The following PARP12 variants were observed in gnomAD, a reference collection of about 807,000 sequenced individuals.
PARP12 encodes protein mono-ADP-ribosyltransferase PARP12.
Under a neutral mutation model 72.4 loss-of-function variants are expected in PARP12, and 59 were observed. The ratio of observed to expected loss-of-function variants is 0.81; its 90% CI spans 0.66 to 1.01. PARP12 has a LOEUF of 1.01. Among genes scored for constraint, PARP12 ranks in the 50% least tolerant of loss-of-function variants. The probability of loss-of-function intolerance (pLI) is 0.00; values close to 1 mark genes in which losing one functional copy is unlikely to be tolerated. For missense variants in PARP12, 851 were observed against 914.0 expected, an observed-to-expected ratio of 0.93 and a Z score of 0.89; for synonymous variants, 403 against 371.4, an observed-to-expected ratio of 1.09 and a Z score of -0.98.
intron 4 of PARP12, among the ~76,000 whole-genome samples, chr7:140,049,761 A>G (rs2116626997): frequency 6.6e-6 from 1 of 152,334 alleles, no homozygotes; most frequent in African/African-American, 2.4e-5. Context: ...GAAGGTGCCC[A>G]GGACAGGAGG....
intron 9 of PARP12, among the ~76,000 whole-genome samples, chr7:140,028,062 C>T (rs1569526409): frequency 6.6e-6 from 1 of 152,238 alleles, no homozygotes; most frequent in Admixed American, 6.5e-5. Flanking sequence ...GCTCGGCAGC[C>T]GGCCAGCTGG....
At chr7:140,044,982 C>T (rs1041451977) in intron 5 of PARP12, among the ~76,000 whole-genome samples, 1 of 151,304 alleles carries the variant, frequency 6.6e-6, no homozygotes, top group African/African-American at 2.4e-5. Context: ...TTTCTAACCT[C>T]TAGGATTAAA....
rs528796399 is a variant in PARP12, at chr7:140,036,962, A to G, written c.1324+753T>C. On this transcript the variant is annotated intron_variant, in intron 7 of 11. Coordinates refer to ENST00000263549, the MANE Select transcript of PARP12 (RefSeq NM_022750.4). ...ATGAGTGCACGAAAATCTGCTTCTC[A>G]GGGACTTTCAATTACTCTGTGTCCT... 9.8e-4 allele frequency among the ~76,000 whole-genome samples: 150 copies of G among 152,286 alleles called. 2 individuals carry two copies. The highest frequency in any genetic ancestry group is 3.3e-3 in the African/African-American group (137 of 41,562).
In PARP12 at chr7:140,024,177, A is replaced by G. The variant is rs949473082; in HGVS notation, c.*383T>C. 1.1e-4 allele frequency: 33 copies of G among 306,440 alleles called. No individual in the cohort carries two copies. Among genetic ancestry groups the G allele is most frequent in the African/African-American group, 7.2e-4 (33 of 45,804 alleles). 19.0% of individuals were successfully genotyped at this position (306,440 alleles called of 1,614,324 possible). A position where few individuals can be genotyped will look rare whatever the true frequency, so the allele number is the denominator to read the frequency against. ...ACTGTGTCATTCTGGAAAAACTATGATGCCATGAGACTCTGAGAAACCGAA... is the reference window on the plus strand; with the variant it reads ...ACTGTGTCATTCTGGAAAAACTATGGTGCCATGAGACTCTGAGAAACCGAA... On this transcript the variant is annotated 3_prime_UTR_variant, in exon 12 of 12. Transcript: ENST00000263549.
intron 10 of PARP12, among the ~76,000 whole-genome samples, chr7:140,027,067 G>C (rs1226221871): frequency 6.6e-6 from 1 of 152,180 alleles, no homozygotes; most frequent in Non-Finnish European, 1.5e-5. Context: ...GTATGCTCCA[G>C]GAAGCCTCGG....
chr7:140,027,178 C>T (rs760637766), intron 10 of PARP12, 98 bp downstream of exon 10: 30 of 1,499,694 alleles, frequency 2.0e-5, no homozygotes, highest in Admixed American at 5.6e-5. Context: ...CCCTAACTGC[C>T]GCTCTGCTTT....
At chr7:140,054,505 C>G (rs745758145) in intron 4 of PARP12, among the ~76,000 whole-genome samples, 157 bp downstream of exon 4, 6 of 152,220 alleles carry the variant, frequency 3.9e-5, no homozygotes, top group African/African-American at 1.2e-4. Context: ...AACTCCCCAA[C>G]AAAATACCTT....
intron 1 of PARP12, 99 bp downstream of exon 1, chr7:140,062,423 T>C (rs1316131747): frequency 3.2e-6 from 4 of 1,233,734 alleles, no homozygotes; most frequent in African/African-American, 3.2e-5. Context: ...AGCCACCGAA[T>C]TGTCTGCTCA....
chr7:140,052,732 TTGTGTGTGTGTGTG>T (rs9340762), intron 4 of PARP12, among the ~76,000 whole-genome samples: 1 of 145,706 alleles, frequency 6.9e-6, no homozygotes, highest in Non-Finnish European at 1.5e-5. Context: ...AAGACCCCTT[TTGTGTGTGTGTGTG>T]TGTGTGTGTG....
intron 11 of PARP12, 59 bp from the exon 12 acceptor site, chr7:140,024,944 A>C (rs1259542727): frequency 7.9e-6 from 12 of 1,512,952 alleles, no homozygotes; most frequent in Non-Finnish European, 1.1e-5. Context: ...AAGGGTCAGC[A>C]CACTGCGAAT....
chr7:140,050,582 G>A (rs958134668), intron 4 of PARP12, among the ~76,000 whole-genome samples: 2 of 152,114 alleles, frequency 1.3e-5, no homozygotes, highest in Non-Finnish European at 2.9e-5. Flanking sequence ...AGACAACCAA[G>A]AGTCGCTCAA....
intron 4 of PARP12, among the ~76,000 whole-genome samples, chr7:140,051,622 C>T (rs941432075): frequency 6.6e-6 from 1 of 152,112 alleles, no homozygotes; most frequent in Non-Finnish European, 1.5e-5. Context: ...AACTCCTGAC[C>T]TCAAGTGATC....
chr7:140,037,628 A>G, intron 7 of PARP12, 87 bp downstream of exon 7: 1 of 1,552,258 alleles, frequency 6.4e-7, no homozygotes, highest in Non-Finnish European at 8.8e-7. Flanking sequence ...GGCCCTCAGT[A>G]TGTGCACACG....
intron 4 of PARP12, among the ~76,000 whole-genome samples, chr7:140,054,234 C>T (rs749069647): frequency 1.3e-5 from 2 of 152,156 alleles, no homozygotes; most frequent in African/African-American, 2.4e-5. Context: ...ATTTAAACAA[C>T]TACTCATCCT....
chr7:140,034,390 G>A, intron 7 of PARP12, 59 bp from the exon 8 acceptor site: 2 of 1,376,028 alleles, frequency 1.5e-6, no homozygotes, highest in South Asian at 2.5e-5. Context: ...CACACAGGAT[G>A]GCAATGTTTT....
intron 1 of PARP12, among the ~76,000 whole-genome samples, chr7:140,058,511 A>G (rs1308981031): frequency 1.3e-5 from 2 of 151,816 alleles, no homozygotes; most frequent in Admixed American, 6.6e-5. Flanking sequence ...AAAAAAAAAA[A>G]AAGAAGAGAT....
In PARP12 at chr7:140,062,914, C is replaced by A; in HGVS notation, c.-67G>T. On this transcript the variant is annotated 5_prime_UTR_variant, in exon 1 of 12. Transcript: ENST00000263549. ...GCGGACGGCGGCGGACGCTGGCTGG[C>A]GGGCGGCTCTCGCAGGGTGGAGACG... The A allele has an allele frequency of 8.5e-7, 1 of 1,183,120 alleles. No homozygotes were observed. The highest frequency in any genetic ancestry group is 1.1e-6 in the Non-Finnish European group (1 of 951,506). The allele number at this position is 1,183,120 out of a possible 1,614,324, so 73.3% of individuals were successfully genotyped here. A position where few individuals can be genotyped will look rare whatever the true frequency, so the allele number is the denominator to read the frequency against.
chr7:140,038,086 C>T (rs1248588045), intron 6 of PARP12: 4 of 985,260 alleles, frequency 4.1e-6, no homozygotes, highest in Non-Finnish European at 4.8e-6. Flanking sequence ...ATGGGTCCTG[C>T]TGAGCAGGAA....
chr7:140,039,560 C>G (rs888843222), intron 6 of PARP12, among the ~76,000 whole-genome samples: 2 of 152,188 alleles, frequency 1.3e-5, no homozygotes, highest in African/African-American at 4.8e-5. Flanking sequence ...GAAGGAATGA[C>G]AGATTCCCAC....
Sources: allele counts gnomAD v4.1 joint callset (sites outside exome capture counted in the v4.1 genomes callset), GRCh38; gene constraint gnomAD v4.1.1; transcripts MANE v1.5; gene names NCBI Gene and HGNC (gene_info 2026-07-23, HGNC 2026-07-21).